Variants in UNC13B observed in about 807,000 individuals in gnomAD.
The protein encoded by UNC13B is unc-13 homolog B.
Under a neutral mutation model 211.0 loss-of-function variants are expected in UNC13B, and 144 were observed. That is an observed-to-expected ratio of 0.68 (90% CI 0.60 to 0.78). UNC13B has a LOEUF of 0.78. UNC13B is among the 30% of genes least tolerant of loss of function. UNC13B has a pLI of 0.00. For synonymous variants in UNC13B, 709 were observed against 725.8 expected (o/e 0.98, Z 0.37); for missense variants, 1,777 against 2,002.0 (o/e 0.89, Z 2.14).
At chr9:35,399,925 G>A (rs746156442) in intron 36 of UNC13B, among the ~76,000 whole-genome samples, 196 bp downstream of exon 36, 1 of 152,152 alleles carries the variant, frequency 6.6e-6, no homozygotes, top group Non-Finnish European at 1.5e-5. Flanking sequence ...GTGATATAAG[G>A]CAGGAACATA....
Position 35,307,033 on chromosome 9 carries a change from A to C in UNC13B, c.7629A>C (p.Val2543=). 2.5e-6 allele frequency: 1 copy of C among 399,052 alleles called. No individual in the cohort carries two copies. Among genetic ancestry groups the C allele is most frequent in the Non-Finnish European group, 4.4e-6 (1 of 226,056 alleles). The allele number at this position is 399,052 out of a possible 1,614,324, so 24.7% of individuals were successfully genotyped here. The change falls in exon 9 of 40, where the codon GTA becomes GTC. Residue 2543 remains valine, a synonymous_variant. Transcript: ENST00000635942. ...WLQNGCSRDA[V]GSVPPERREA... ...AAAATGGTTGTTCCAGAGATGCTGTAGGATCAGTACCTCCAGAAAGGAGAG... is the reference window on the plus strand; with the variant it reads ...AAAATGGTTGTTCCAGAGATGCTGTCGGATCAGTACCTCCAGAAAGGAGAG...
intron 12 of UNC13B, among the ~76,000 whole-genome samples, chr9:35,367,331 A>G (rs1444055350): frequency 6.6e-6 from 1 of 152,154 alleles, no homozygotes; most frequent in Non-Finnish European, 1.5e-5. Context: ...AAATATCTGC[A>G]TTTGGAAACA....
chr9:35,372,056 G>C (rs1834163159), intron 13 of UNC13B: 1 of 152,732 alleles, frequency 6.5e-6, no homozygotes, highest in Non-Finnish European at 1.5e-5. Context: ...CGGATCACAA[G>C]GTCAGGAGTT....
rs1172913360 is a variant in UNC13B at position 35,301,256 on chromosome 9, G to GA, written c.1856dup (p.Asn619LysfsTer2). 1.8e-5 allele frequency: 7 copies of GA among 398,716 alleles called. No homozygotes were observed. The highest frequency in any genetic ancestry group is 2.7e-5 in the Non-Finnish European group (6 of 225,960). The allele number at this position is 398,716 out of a possible 1,614,324, so 24.7% of individuals were successfully genotyped here. On this transcript the variant is annotated frameshift_variant, in exon 9 of 40. Transcript: ENST00000635942. LOFTEE classifies it high-confidence loss of function. ...TATAGACAGACATAGAAAAACCTCT[G>GA]AAAATGAGCACATGGGTAATAAAAC...
At chr9:35,211,958 G>A (rs183094831) in intron 1 of UNC13B, among the ~76,000 whole-genome samples, 35 of 152,300 alleles carry the variant, frequency 2.3e-4, no homozygotes, top group African/African-American at 8.2e-4. Context: ...TTCTGCCTCG[G>A]CCTCTGAAAG....
Position 35,400,386 on chromosome 9 carries a change from TAC to T in UNC13B, c.12433_12434del (p.Gln4145AspfsTer3), listed in dbSNP as rs1248410398. On this transcript the variant is annotated frameshift_variant, in exon 37 of 40. Coordinates refer to ENST00000635942, the MANE Select transcript of UNC13B (RefSeq NM_001371189.2). LOFTEE classifies it high-confidence loss of function. ...GTCTCTACGCTATGCCCTGTCTCTG[TAC>T]ACACAGACTACTGACACTCTCATCA... Reference protein sequence around the residue: ...LQSLRYALSLYTQTTDTLIKT... With the variant: ...LQSLRYALSLXTQTTDTLIKT... 6.2e-7 allele frequency: 1 copy of T among 1,614,140 alleles called. No homozygotes were observed. Among genetic ancestry groups the T allele is most frequent in the Admixed American group, 1.7e-5 (1 of 60,020 alleles).
At chr9:35,198,369 T>C (rs926821767) in intron 1 of UNC13B, among the ~76,000 whole-genome samples, 1 of 152,212 alleles carries the variant, frequency 6.6e-6, no homozygotes, top group Non-Finnish European at 1.5e-5. Flanking sequence ...TGCGCCTGCT[T>C]CTCCTTGGCC....
intron 18 of UNC13B, 56 bp from the exon 19 acceptor site, chr9:35,381,044 C>G (rs994838776): frequency 6.5e-7 from 1 of 1,538,704 alleles, no homozygotes; most frequent in African/African-American, 1.4e-5. Context: ...CAGAATGGAA[C>G]TATCTATGCT....
chr9:35,351,377 G>A (rs2132066012), intron 11 of UNC13B: 2 of 1,228,088 alleles, frequency 1.6e-6, no homozygotes, highest in South Asian at 4.3e-5. Context: ...AGCACTGTGG[G>A]CTAAGCCCAA....
rs1165802721 is a variant in UNC13B, at chr9:35,396,911, G to A, written c.11506G>A (p.Ala3836Thr). 6.2e-7 allele frequency: 1 copy of A among 1,614,032 alleles called. No individual in the cohort carries two copies. The highest frequency in any genetic ancestry group is 8.5e-7 in the Non-Finnish European group (1 of 1,180,026). ...TGTATCCCTGGAATTCCTGCGTGGG[G>A]CCCTGGAACGAGATAAGAAGGATGG... The part of the protein sequence containing the change: ...EDVSLEFLRG[A>T]LERDKKDGFQ... The change falls in exon 28 of 40, where the codon GCC becomes ACC. Residue 3836 changes from alanine to threonine, a missense_variant. Coordinates refer to ENST00000635942, the MANE Select transcript of UNC13B (RefSeq NM_001371189.2).
chr9:35,261,306 G>A (rs985344937), intron 7 of UNC13B, among the ~76,000 whole-genome samples: 3 of 152,134 alleles, frequency 2.0e-5, no homozygotes, highest in East Asian at 1.9e-4. Flanking sequence ...ACACATCAGC[G>A]TGTTTCTGCT....
At chr9:35,383,120 A>C (rs1834970458) in intron 21 of UNC13B, among the ~76,000 whole-genome samples, 1 of 152,218 alleles carries the variant, frequency 6.6e-6, no homozygotes, top group African/African-American at 2.4e-5. Context: ...TTGCAGGTCC[A>C]CAAATGGATT....
chr9:35,262,296 C>G (rs1316939903), intron 7 of UNC13B, among the ~76,000 whole-genome samples: 1 of 146,740 alleles, frequency 6.8e-6, no homozygotes, highest in South Asian at 2.2e-4. Flanking sequence ...TTTTCCTTTT[C>G]TCTTTTCACT....
rs1297284056 is a variant in UNC13B, at chr9:35,245,551, C to T, written c.468+2187C>T. The stretch of plus-strand genomic sequence containing the variant: ...TGTGTGATGTTCCCCTTCCTGTGTC[C>T]AAGTGTTCTCATTGTTCAATTCCCA... On this transcript the variant is annotated intron_variant, in intron 6 of 39. Transcript: ENST00000635942. 1.6e-4 allele frequency among the ~76,000 whole-genome samples: 23 copies of T among 142,216 alleles called. No individual in the cohort carries two copies. The Admixed American group carries it at 1.6e-3, about 10-fold the overall frequency. 93.3% of individuals were successfully genotyped at this position (142,216 alleles called of 152,430 possible).
intron 21 of UNC13B, among the ~76,000 whole-genome samples, chr9:35,383,349 G>A (rs1489808392): frequency 6.6e-6 from 1 of 152,136 alleles, no homozygotes; most frequent in Non-Finnish European, 1.5e-5. Context: ...GTATAAACTA[G>A]ATAAAATAAT....
chr9:35,270,673 T>G (rs1175846058), intron 7 of UNC13B, among the ~76,000 whole-genome samples: 1 of 152,172 alleles, frequency 6.6e-6, no homozygotes, highest in African/African-American at 2.4e-5. Context: ...TATAATGTCA[T>G]CAGTATCTAT....
intron 2 of UNC13B, among the ~76,000 whole-genome samples, chr9:35,228,468 T>TTGTTTCAGCTTGAG (rs1824988929): frequency 6.6e-6 from 1 of 152,146 alleles, no homozygotes; most frequent in South Asian, 2.1e-4. Flanking sequence ...GTATTTCTCC[T>TTGTTTCAGCTTGAG]AATGCTATCC....
At chr9:35,395,849 C>T (rs1564195488) in intron 26 of UNC13B, among the ~76,000 whole-genome samples, 2 of 152,202 alleles carry the variant, frequency 1.3e-5, no homozygotes, top group Non-Finnish European at 2.9e-5. Context: ...AGTTTCCAAA[C>T]TGACTATTCA....
intron 35 of UNC13B, 84 bp downstream of exon 35, chr9:35,399,532 G>T: frequency 6.2e-7 from 1 of 1,606,552 alleles, no homozygotes; most frequent in South Asian, 1.1e-5. Flanking sequence ...GGAAATTGGA[G>T]CTTTGGAGAC....
Sources: gnomAD v4.1 joint callset for allele counts (sites outside exome capture counted in the v4.1 genomes callset) on GRCh38, gnomAD v4.1.1 for gene constraint, MANE v1.5 for transcripts, NCBI Gene and HGNC (gene_info 2026-07-23, HGNC 2026-07-21) for gene names.